The following RBPMS variants were observed in gnomAD, a reference collection of about 807,000 sequenced individuals.
RBPMS encodes RNA-binding protein with multiple splicing.
A neutral mutation model predicts 26.8 loss-of-function variants in RBPMS; 7 were observed. The ratio of observed to expected loss-of-function variants is 0.26; its 90% CI spans 0.15 to 0.49. The LOEUF is 0.49. Among genes scored for constraint, RBPMS ranks in the 20% least tolerant of loss-of-function variants. The pLI is 0.98. For synonymous variants in RBPMS, 96 were observed against 93.3 expected (o/e 1.03, Z -0.17); for missense variants, 186 against 250.0 (o/e 0.74, Z 1.73).
At chr8:30,541,263 G>A (rs548961936) in intron 5 of RBPMS, among the ~76,000 whole-genome samples, 2 of 152,276 alleles carry the variant, frequency 1.3e-5, no homozygotes, top group South Asian at 2.1e-4. Context: ...ATCTTCCCAA[G>A]CTCTGTAGGC....
At chr8:30,516,459 G>T (rs1275655323) in intron 5 of RBPMS, among the ~76,000 whole-genome samples, 1 of 152,156 alleles carries the variant, frequency 6.6e-6, no homozygotes, top group Non-Finnish European at 1.5e-5. Flanking sequence ...TTTCTGCTGT[G>T]TATTCTGTAG....
chr8:30,451,938 T>C (rs1430297863), intron 1 of RBPMS, among the ~76,000 whole-genome samples: 2 of 152,184 alleles, frequency 1.3e-5, no homozygotes, highest in African/African-American at 4.8e-5. Context: ...CACAGTATCA[T>C]TTCAGGTGTC....
chr8:30,391,197 GGACT>G (rs1807754242), intron 1 of RBPMS, among the ~76,000 whole-genome samples: 2 of 152,204 alleles, frequency 1.3e-5, no homozygotes. Flanking sequence ...TGTCAGTGTG[GGACT>G]GCTTGTCCCA....
intron 1 of RBPMS, among the ~76,000 whole-genome samples, chr8:30,390,760 T>G (rs1409273794): frequency 6.6e-6 from 1 of 152,226 alleles, no homozygotes; most frequent in Non-Finnish European, 1.5e-5. Context: ...AGCTATTTAT[T>G]TTGTATGGGT....
intron 8 of RBPMS, among the ~76,000 whole-genome samples, chr8:30,567,861 G>A (rs1828006185): frequency 6.6e-6 from 1 of 152,204 alleles, no homozygotes; most frequent in Non-Finnish European, 1.5e-5. Context: ...CAGCACCAGT[G>A]TGTTAAGGTG....
chr8:30,431,134 A>G lies in RBPMS; in HGVS notation c.67-43645A>G, dbSNP rs76161526. On this transcript the variant is annotated intron_variant, in intron 1 of 8. Coordinates refer to ENST00000397323, the MANE Select transcript of RBPMS (RefSeq NM_001008710.3). ...CACTGGGAAGCATGCATTATTCTAC[A>G]TATACTGGGGAGCACATGGTATAAC... is the stretch of plus-strand genomic sequence containing the variant. Among the ~76,000 whole-genome samples the G allele has an allele frequency of 3.1e-3, 467 of 152,304 alleles. 1 individual carries two copies. The highest frequency in any genetic ancestry group is 0.01 in the African/African-American group (420 of 41,560).
At chr8:30,556,380 G>A in intron 6 of RBPMS, 1 of 985,726 alleles carries the variant, frequency 1.0e-6, no homozygotes, top group Non-Finnish European at 1.2e-6. Context: ...ACCTGTGCGA[G>A]TGAGAACGTG....
chr8:30,546,522 G>A (rs1283252364), intron 6 of RBPMS, among the ~76,000 whole-genome samples: 3 of 152,232 alleles, frequency 2.0e-5, no homozygotes, highest in Admixed American at 6.5e-5. Flanking sequence ...GGGAGAGACA[G>A]TGCCAAGATT....
intron 7 of RBPMS, among the ~76,000 whole-genome samples, chr8:30,563,061 G>C (rs968683157): frequency 6.6e-6 from 1 of 152,222 alleles, no homozygotes; most frequent in Non-Finnish European, 1.5e-5. Context: ...ACATGTACAG[G>C]AGAGGGAGTT....
chr8:30,470,547 C>T (rs1272037725), intron 1 of RBPMS, among the ~76,000 whole-genome samples: 1 of 152,026 alleles, frequency 6.6e-6, no homozygotes, highest in Admixed American at 6.5e-5. Context: ...ATTATGTTTC[C>T]GGATTTAAGT....
At chr8:30,414,728 C>T (rs149884065) in intron 1 of RBPMS, among the ~76,000 whole-genome samples, 7 of 152,110 alleles carry the variant, frequency 4.6e-5, no homozygotes, top group African/African-American at 1.7e-4. Context: ...TAATAAACTG[C>T]ATGTTATTGA....
At chr8:30,409,878 A>G (rs976900433) in intron 1 of RBPMS, among the ~76,000 whole-genome samples, 9 of 149,732 alleles carry the variant, frequency 6.0e-5, no homozygotes, top group South Asian at 2.1e-4. Flanking sequence ...TGATCTGCCC[A>G]CCTTGGCCTC....
At chr8:30,511,652 T>C (rs547316214) in intron 5 of RBPMS, among the ~76,000 whole-genome samples, 131 of 150,214 alleles carry the variant, frequency 8.7e-4, no homozygotes, top group African/African-American at 3.1e-3. Context: ...TAGATACACA[T>C]ATATATATAC....
chr8:30,412,544 G>A (rs1156722377), intron 1 of RBPMS, among the ~76,000 whole-genome samples: 1 of 150,602 alleles, frequency 6.6e-6, no homozygotes, highest in African/African-American at 2.4e-5. Context: ...CATGGTTCTT[G>A]CCCTCTCAAA....
chr8:30,477,702 G>A (rs1055351333), intron 2 of RBPMS, 97 bp from the exon 3 acceptor site: 2 of 815,286 alleles, frequency 2.5e-6, no homozygotes, highest in Admixed American at 4.2e-5. Flanking sequence ...ACATTTGTAG[G>A]AGGAGTTAGG....
intron 6 of RBPMS, among the ~76,000 whole-genome samples, chr8:30,545,944 C>G (rs964083383): frequency 2.0e-5 from 3 of 152,094 alleles, no homozygotes; most frequent in Non-Finnish European, 4.4e-5. Flanking sequence ...AATAAAGGAG[C>G]CAGGATTACC....
intron 4 of RBPMS, among the ~76,000 whole-genome samples, chr8:30,486,451 G>T (rs112252864): frequency 1.5e-4 from 22 of 149,286 alleles, no homozygotes; most frequent in African/African-American, 5.2e-4. Context: ...GTGAAACCCC[G>T]TCTCTACTAA....
chr8:30,460,656 C>T lies in RBPMS; in HGVS notation c.67-14123C>T, dbSNP rs149265219. 4.2e-3 allele frequency among the ~76,000 whole-genome samples: 638 copies of T among 152,146 alleles called. 3 individuals are homozygous for T. Among genetic ancestry groups the T allele is most frequent in the African/African-American group, 0.014 (591 of 41,514 alleles). On this transcript the variant is annotated intron_variant, in intron 1 of 8. Transcript: ENST00000397323. The stretch of plus-strand genomic sequence containing the variant: ...CTATAGCTAAGATTTCTTATACTAC[C>T]GTAAAAAGTAGTGATTAAACAAATC...
intron 1 of RBPMS, among the ~76,000 whole-genome samples, chr8:30,439,455 C>T (rs117349233): frequency 6.6e-6 from 1 of 152,262 alleles, no homozygotes; most frequent in Non-Finnish European, 1.5e-5. Flanking sequence ...CATAGCTTAG[C>T]ACCTACGAGA....
Sources: allele counts gnomAD v4.1 joint callset (sites outside exome capture counted in the v4.1 genomes callset), GRCh38; gene constraint gnomAD v4.1.1; transcripts MANE v1.5; gene names NCBI Gene and HGNC (gene_info 2026-07-23, HGNC 2026-07-21).